The following DTD1 variants were observed in gnomAD, a reference collection of about 807,000 sequenced individuals.
DTD1 encodes D-tyrosyl-tRNA deacylase 1 homolog.
In DTD1, 13 loss-of-function variants were observed where a neutral mutation model predicts 25.6. The ratio of observed to expected loss-of-function variants is 0.51; its 90% CI spans 0.33 to 0.81. The LOEUF is 0.81. Among genes scored for constraint, DTD1 ranks in the 30% least tolerant of loss-of-function variants. The pLI is 0.02. For synonymous variants in DTD1, 110 were observed against 103.6 expected (o/e 1.06, Z -0.37); for missense variants, 193 against 266.4 (o/e 0.72, Z 1.92).
chr20:18,660,295 C>G (rs1481869280), intron 4 of DTD1, among the ~76,000 whole-genome samples: 1 of 152,190 alleles, frequency 6.6e-6, no homozygotes, highest in East Asian at 1.9e-4. Flanking sequence ...TCATGGCTTA[C>G]TGCAGCCTCA....
At chr20:18,601,291 G>C (rs2060633228) in intron 3 of DTD1, among the ~76,000 whole-genome samples, 1 of 152,126 alleles carries the variant, frequency 6.6e-6, no homozygotes, top group Non-Finnish European at 1.5e-5. Flanking sequence ...TTTGAAGTCA[G>C]GAGTTTGAGA....
At chr20:18,752,843 C>G (rs1241451787) in intron 5 of DTD1, among the ~76,000 whole-genome samples, 1 of 152,174 alleles carries the variant, frequency 6.6e-6, no homozygotes, top group African/African-American at 2.4e-5. Context: ...AAGTGTCATT[C>G]TGGTTTTTTA....
intron 3 of DTD1, among the ~76,000 whole-genome samples, chr20:18,611,665 C>T (rs552801598): frequency 1.7e-4 from 26 of 152,170 alleles, no homozygotes; most frequent in African/African-American, 5.8e-4. Context: ...CCTCATCTGC[C>T]GCAGCTCTTC....
chr20:18,646,869 G>A (rs889402836), intron 4 of DTD1, among the ~76,000 whole-genome samples: 10 of 152,304 alleles, frequency 6.6e-5, no homozygotes, highest in African/African-American at 2.2e-4. Flanking sequence ...TATGCTGATG[G>A]AAATCAGATG....
intron 4 of DTD1, among the ~76,000 whole-genome samples, chr20:18,689,078 G>A (rs1163366486): frequency 4.6e-5 from 7 of 152,288 alleles, no homozygotes; most frequent in East Asian, 1.9e-4. Context: ...AGTTTAATGC[G>A]TGGACCGTAA....
chr20:18,636,807 G>A (rs1418368695), intron 4 of DTD1, among the ~76,000 whole-genome samples: 1 of 152,190 alleles, frequency 6.6e-6, no homozygotes, highest in Admixed American at 6.5e-5. Context: ...GGGGACTGTT[G>A]TGTGCAGAGA....
chr20:18,601,447 C>T lies in DTD1; in HGVS notation c.370+5206C>T, dbSNP rs144460520. Reference sequence around the variant, plus strand: ...GTGGGAGGCGCAGGTTGCAGTGAGCCGAGATTACGCCACTGTACTCCAGCT... The same window carrying T: ...GTGGGAGGCGCAGGTTGCAGTGAGCTGAGATTACGCCACTGTACTCCAGCT... On this transcript the variant is annotated intron_variant, in intron 3 of 5. Transcript: ENST00000377452. 2.0e-3 allele frequency among the ~76,000 whole-genome samples: 296 copies of T among 147,882 alleles called. 4 individuals carry two copies. The East Asian group carries it at 0.023, about 12-fold the overall frequency.
chr20:18,663,892 GA>G (rs1286426163), intron 4 of DTD1, among the ~76,000 whole-genome samples: 1 of 152,166 alleles, frequency 6.6e-6, no homozygotes. Flanking sequence ...CAGCGTGGGG[GA>G]AAGTGCCCCC....
intron 4 of DTD1, among the ~76,000 whole-genome samples, chr20:18,695,674 C>A (rs1457994247): frequency 7.5e-6 from 1 of 133,994 alleles, no homozygotes; most frequent in Non-Finnish European, 1.6e-5. Flanking sequence ...GTTTCTTCCT[C>A]CCTTTCCTTT....
chr20:18,750,103 C>CTGGG (rs1385703872), intron 5 of DTD1, among the ~76,000 whole-genome samples: 1 of 152,168 alleles, frequency 6.6e-6, no homozygotes, highest in Non-Finnish European at 1.5e-5. Flanking sequence ...CAGAGCGGGG[C>CTGGG]TGGGTGCTCC....
chr20:18,664,534 C>T (rs139107774), intron 4 of DTD1, among the ~76,000 whole-genome samples: 97 of 152,228 alleles, frequency 6.4e-4, no homozygotes, highest in African/African-American at 1.9e-3. Flanking sequence ...CAAGATTCTG[C>T]GGTGATGCTG....
chr20:18,708,206 TTTTATATATATAA>T (rs1468124869), intron 4 of DTD1, among the ~76,000 whole-genome samples: 24,150 of 41,562 alleles, frequency 0.58, 5,856 homozygotes, highest in Non-Finnish European at 0.66. Context: ...TATATATATA[TTTTATATATATAA>T]TATATATATA....
At chr20:18,723,329 GC>G (rs2061212065) in intron 4 of DTD1, among the ~76,000 whole-genome samples, 2 of 152,298 alleles carry the variant, frequency 1.3e-5, no homozygotes, top group Admixed American at 6.5e-5. Flanking sequence ...ATGCTTTGGT[GC>G]CATTGTGGTC....
At chr20:18,756,260 A>T (rs1249728496) in intron 5 of DTD1, among the ~76,000 whole-genome samples, 1 of 152,062 alleles carries the variant, frequency 6.6e-6, no homozygotes, top group East Asian at 1.9e-4. Flanking sequence ...GCTGTGCAGA[A>T]GCTCTTTAGT....
intron 4 of DTD1, among the ~76,000 whole-genome samples, chr20:18,629,840 T>G (rs183296049): frequency 1.6e-3 from 238 of 151,792 alleles, no homozygotes; most frequent in Middle Eastern, 3.4e-3. Context: ...AGAGCAGAAA[T>G]AAGAGAAAGC....
intron 4 of DTD1, among the ~76,000 whole-genome samples, chr20:18,683,996 A>G (rs1175377435): frequency 6.6e-6 from 1 of 152,172 alleles, no homozygotes; most frequent in Admixed American, 6.5e-5. Context: ...TTCAAAGCTC[A>G]GATGAGGCTC....
At chr20:18,676,774 C>T (rs574738380) in intron 4 of DTD1, among the ~76,000 whole-genome samples, 1 of 152,148 alleles carries the variant, frequency 6.6e-6, no homozygotes, top group African/African-American at 2.4e-5. Flanking sequence ...TCAGCTCTGC[C>T]GCTGGTTAAC....
At chr20:18,745,682 G>A (rs1448761179) in intron 5 of DTD1, among the ~76,000 whole-genome samples, 1 of 152,190 alleles carries the variant, frequency 6.6e-6, no homozygotes, top group African/African-American at 2.4e-5. Flanking sequence ...TGGGAATGGA[G>A]GAATTGCAGA....
At chr20:18,741,013 A>C (rs2061275642) in intron 4 of DTD1, among the ~76,000 whole-genome samples, 3 of 152,250 alleles carry the variant, frequency 2.0e-5, no homozygotes, top group Admixed American at 2.0e-4. Flanking sequence ...TCAGATTTTA[A>C]AAATGCTAGC....
Sources: allele counts gnomAD v4.1 joint callset (sites outside exome capture counted in the v4.1 genomes callset), GRCh38; gene constraint gnomAD v4.1.1; transcripts MANE v1.5; gene names NCBI Gene and HGNC (gene_info 2026-07-23, HGNC 2026-07-21).